Variants in SORBS2 observed in about 807,000 individuals in gnomAD.
SORBS2 encodes the protein sorbin and SH3 domain containing 2.
In SORBS2, 46 loss-of-function variants were observed where a neutral mutation model predicts 97.7. The observed-to-expected ratio is 0.47, with a 90% CI of 0.37 to 0.60. The LOEUF (loss-of-function observed/expected upper bound fraction) is 0.60, where lower values mean the gene tolerates loss of function less well. Among genes scored for constraint, SORBS2 ranks in the 20% least tolerant of loss-of-function variants. The pLI, the probability that SORBS2 is intolerant of heterozygous loss-of-function variation, is 0.00. For synonymous variants in SORBS2, 476 were observed against 473.4 expected (o/e 1.01, Z -0.07); for missense variants, 1,316 against 1,282.3 (o/e 1.03, Z -0.40).
chr4:185,941,944 CA>C (rs1406264237), intron 1 of SORBS2, among the ~76,000 whole-genome samples: 1 of 151,982 alleles, frequency 6.6e-6, no homozygotes, highest in Non-Finnish European at 1.5e-5. Flanking sequence ...GGTGAAACCC[CA>C]TCTCTACTAA....
At chr4:185,664,885 AT>A (rs960090621) in intron 4 of SORBS2, among the ~76,000 whole-genome samples, 2 of 151,944 alleles carry the variant, frequency 1.3e-5, no homozygotes, top group African/African-American at 4.8e-5. Context: ...AAAAAATCTG[AT>A]TTTTTTGCCT....
intron 1 of SORBS2, among the ~76,000 whole-genome samples, chr4:185,844,098 G>A (rs2153678366): frequency 6.6e-6 from 1 of 152,308 alleles, no homozygotes; most frequent in South Asian, 2.1e-4. Flanking sequence ...CAACACAAGT[G>A]CTAAGGCAAT....
chr4:185,755,674 C>A (rs1393473811), intron 2 of SORBS2, among the ~76,000 whole-genome samples: 1 of 152,198 alleles, frequency 6.6e-6, no homozygotes, highest in Non-Finnish European at 1.5e-5. Context: ...AGGGCTAGAC[C>A]ACACATTAAC....
chr4:185,707,800 A>G (rs2098367070), intron 2 of SORBS2, among the ~76,000 whole-genome samples: 1 of 152,148 alleles, frequency 6.6e-6, no homozygotes, highest in African/African-American at 2.4e-5. Flanking sequence ...TTATAAAACC[A>G]TCAGATCTCA....
chr4:185,857,938 C>G (rs1267569279), intron 1 of SORBS2, among the ~76,000 whole-genome samples: 2 of 152,264 alleles, frequency 1.3e-5, no homozygotes, highest in East Asian at 3.9e-4. Context: ...CTAATTTTGC[C>G]CTTGCCTTGT....
chr4:185,789,406 T>G (rs2099070410), intron 1 of SORBS2, among the ~76,000 whole-genome samples: 1 of 151,910 alleles, frequency 6.6e-6, no homozygotes, highest in Non-Finnish European at 1.5e-5. Flanking sequence ...CAATAATTAT[T>G]CAAAATAAAG....
chr4:185,762,959 C>T (rs368325613), intron 2 of SORBS2, among the ~76,000 whole-genome samples: 258 of 152,152 alleles, frequency 1.7e-3, no homozygotes, highest in Non-Finnish European at 3.1e-3. Context: ...GAGGCTGAAG[C>T]GGGTGGATCA....
rs192687438 is a variant in SORBS2 at position 185,726,531 on chromosome 4, A to T, written c.-197-47709T>A. ...ATTCCCCCAAGATACTTAACCTACA[A>T]TGCTTACTTTGTATAAGCTCTGTTA... On this transcript the variant is annotated intron_variant, in intron 2 of 20. Coordinates refer to the SORBS2 transcript ENST00000284776. 2.6e-3 allele frequency among the ~76,000 whole-genome samples: 403 copies of T among 152,176 alleles called. 1 individual carries two copies. The highest frequency in any genetic ancestry group is 2.4e-3 in the Non-Finnish European group (166 of 67,984).
At chr4:185,911,426 A>G (rs2099254999) in intron 1 of SORBS2, among the ~76,000 whole-genome samples, 1 of 151,846 alleles carries the variant, frequency 6.6e-6, no homozygotes, top group Admixed American at 6.6e-5. Flanking sequence ...GTGGAGTCTC[A>G]CTATATTGCT....
At chr4:185,788,387 T>C (rs1183686803) in intron 1 of SORBS2, among the ~76,000 whole-genome samples, 2 of 152,230 alleles carry the variant, frequency 1.3e-5, no homozygotes, top group South Asian at 4.1e-4. Flanking sequence ...TAAAATTTGG[T>C]GCTTCAAAGT....
At chr4:185,935,951 A>G (rs2099268729) in intron 1 of SORBS2, among the ~76,000 whole-genome samples, 1 of 152,180 alleles carries the variant, frequency 6.6e-6, no homozygotes, top group Non-Finnish European at 1.5e-5. Context: ...TCCCAGGCTC[A>G]AGTGATTCTC....
intron 1 of SORBS2, among the ~76,000 whole-genome samples, chr4:185,844,973 T>C (rs1213712692): frequency 6.6e-6 from 1 of 151,910 alleles, no homozygotes; most frequent in East Asian, 1.9e-4. Context: ...AGAATGGGGA[T>C]TGGCTGCTTA....
At chr4:185,810,280 T>C (rs1278358908) in intron 1 of SORBS2, among the ~76,000 whole-genome samples, 1 of 152,266 alleles carries the variant, frequency 6.6e-6, no homozygotes, top group African/African-American at 2.4e-5. Context: ...CTCCTACTGC[T>C]TTAGCATTCT....
chr4:185,942,692 T>C (rs1345299067), intron 1 of SORBS2, among the ~76,000 whole-genome samples: 7 of 152,206 alleles, frequency 4.6e-5, no homozygotes, highest in Non-Finnish European at 7.3e-5. Context: ...TGTGTCTCCA[T>C]GCTCTTATTA....
At chr4:185,762,510 C>T (rs1584364024) in intron 2 of SORBS2, among the ~76,000 whole-genome samples, 1 of 151,050 alleles carries the variant, frequency 6.6e-6, no homozygotes, top group African/African-American at 2.4e-5. Context: ...AAAAAGGGCA[C>T]CTGTAAGTGG....
At chr4:185,909,516 C>T (rs2099253658) in intron 1 of SORBS2, among the ~76,000 whole-genome samples, 1 of 151,618 alleles carries the variant, frequency 6.6e-6, no homozygotes, top group African/African-American at 2.4e-5. Context: ...AAATTACACT[C>T]GTACTTCTTA....
At chr4:185,638,053 T>C in intron 4 of SORBS2, 26 bp downstream of exon 15, 1 of 1,335,636 alleles carries the variant, frequency 7.5e-7, no homozygotes, top group East Asian at 2.3e-5. Flanking sequence ...CTAGTTTTCT[T>C]ATATTAATAG....
At chr4:185,886,579 GAAAAAA>G (rs375147493) in intron 1 of SORBS2, among the ~76,000 whole-genome samples, 6 of 127,910 alleles carry the variant, frequency 4.7e-5, no homozygotes, top group African/African-American at 1.8e-4. Context: ...AAAAAGAAAA[GAAAAAA>G]AAAAGAAAAG....
chr4:185,704,026 T>C (rs2098303494), intron 2 of SORBS2, among the ~76,000 whole-genome samples: 1 of 152,212 alleles, frequency 6.6e-6, no homozygotes, highest in Non-Finnish European at 1.5e-5. Flanking sequence ...CTAACATCAA[T>C]TCATATGGAA....
Sources: gnomAD v4.1 joint callset for allele counts (sites outside exome capture counted in the v4.1 genomes callset) on GRCh38, gnomAD v4.1.1 for gene constraint, MANE v1.5 for transcripts, NCBI Gene and HGNC (gene_info 2026-07-23, HGNC 2026-07-21) for gene names.